Variants in PKP1 observed in about 807,000 individuals in gnomAD.
PKP1 encodes the protein plakophilin 1.
Under a neutral mutation model 76.4 loss-of-function variants are expected in PKP1, and 27 were observed. The observed-to-expected ratio is 0.35, with a 90% CI of 0.26 to 0.49. The LOEUF is 0.49. Among genes scored for constraint, PKP1 ranks in the 20% least tolerant of loss-of-function variants. The pLI is 0.99. For synonymous variants in PKP1, 404 were observed against 384.2 expected, an observed-to-expected ratio of 1.05 and a Z score of -0.60; for missense variants, 964 against 955.2, an observed-to-expected ratio of 1.01 and a Z score of -0.12.
At chr1:201,296,139 T>C (rs751235214) in intron 2 of PKP1, among the ~76,000 whole-genome samples, 2 of 152,140 alleles carry the variant, frequency 1.3e-5, no homozygotes, top group Non-Finnish European at 2.9e-5. Flanking sequence ...CCCATCTCCT[T>C]TCAGTTCAGG....
intron 6 of PKP1, 54 bp downstream of exon 6, chr1:201,318,849 A>G: frequency 6.9e-7 from 1 of 1,442,242 alleles, no homozygotes. Context: ...GCCCTTCCCC[A>G]GGCAGCCCCA....
rs1247733986 is a variant in PKP1, at chr1:201,320,335, T to C, written c.1301T>C (p.Met434Thr). Residue 434 changes from methionine (M) to threonine (T), a missense_variant, in exon 7 of 14, where the codon ATG becomes ACG. Transcript: ENST00000367324. ...RNYSGLIDSL[M>T]AYVQNCVAAS... is the part of the protein sequence containing the mutation. ...TACTCAGGGCTCATTGATTCCCTCA[T>C]GGCCTATGTCCAGAACTGTGTAGCG... is the stretch of plus-strand genomic sequence containing the variant. 23 of 1,614,048 alleles carry C rather than the reference T, an allele frequency of 1.4e-5. No individual in the cohort carries two copies. The highest frequency in any genetic ancestry group is 1.8e-5 in the Non-Finnish European group (21 of 1,179,998).
intron 1 of PKP1, among the ~76,000 whole-genome samples, chr1:201,285,696 A>G (rs1198201245): frequency 6.6e-6 from 1 of 152,076 alleles, no homozygotes; most frequent in African/African-American, 2.4e-5. Flanking sequence ...GAAAACTCAA[A>G]CCGGCCCTGG....
chr1:201,326,484 C>G (rs1324757776), intron 12 of PKP1, among the ~76,000 whole-genome samples: 1 of 152,202 alleles, frequency 6.6e-6, no homozygotes, highest in Non-Finnish European at 1.5e-5. Context: ...CTTTCCCATT[C>G]CTCAGTGATA....
chr1:201,320,521 G>T, intron 7 of PKP1, 140 bp downstream of exon 7: 1 of 702,024 alleles, frequency 1.4e-6, no homozygotes, highest in Non-Finnish European at 2.6e-6. Context: ...GCAGGGCTCA[G>T]TGGTGGCTAC....
chr1:201,303,355 T>C (rs983272050), intron 2 of PKP1, among the ~76,000 whole-genome samples: 9 of 152,090 alleles, frequency 5.9e-5, no homozygotes, highest in African/African-American at 1.2e-4. Flanking sequence ...CTTGAACTCC[T>C]GGGTTCAAGC....
In PKP1 at chr1:201,314,083, G is replaced by A. The variant is rs151112411; in HGVS notation, c.701+523G>A. Among the ~76,000 whole-genome samples the A allele has an allele frequency of 2.3e-4, 35 of 152,304 alleles. No homozygotes were observed. The East Asian group carries it at 5.6e-3, about 24-fold the overall frequency. ...AGGAATATGCCCCGGTATGGACGAC[G>A]GGAATAGAATGGGTTTCAGGTTACG... On this transcript the variant is annotated intron_variant, in intron 3 of 13. Coordinates refer to ENST00000367324, the MANE Select transcript of PKP1 (RefSeq NM_001005337.3).
rs1378201717 is a variant in PKP1, at chr1:201,312,579, C to G, written c.307-587C>G. On this transcript the variant is annotated intron_variant, in intron 2 of 13. Coordinates refer to ENST00000367324, the MANE Select transcript of PKP1 (RefSeq NM_001005337.3). Reference sequence around the variant, plus strand: ...AGGATTGTTCTGCCTCAGGTGCCGACAGCACCCACGTAAAGAAACACTGCA... The same window carrying G: ...AGGATTGTTCTGCCTCAGGTGCCGAGAGCACCCACGTAAAGAAACACTGCA... 2.0e-5 allele frequency among the ~76,000 whole-genome samples: 3 copies of G among 152,224 alleles called. No homozygotes were observed. In the East Asian group the frequency reaches 5.8e-4, roughly 29 times the overall value.
At chr1:201,329,544 G>A (rs1657254880) in intron 13 of PKP1, among the ~76,000 whole-genome samples, 1 of 152,182 alleles carries the variant, frequency 6.6e-6, no homozygotes, top group African/African-American at 2.4e-5. Flanking sequence ...AGATACTCCA[G>A]CCAGATGTCA....
chr1:201,290,080 C>T (rs565782681), intron 1 of PKP1, among the ~76,000 whole-genome samples: 2 of 152,190 alleles, frequency 1.3e-5, no homozygotes, highest in Non-Finnish European at 2.9e-5. Context: ...TGAGTTGCAC[C>T]GATGACACAA....
At chr1:201,312,797 G>T (rs773747508) in intron 2 of PKP1, among the ~76,000 whole-genome samples, 1 of 152,102 alleles carries the variant, frequency 6.6e-6, no homozygotes, top group Non-Finnish European at 1.5e-5. Context: ...TATGACACCT[G>T]GTAGCTCCTT....
At chr1:201,318,321 T>C (rs187262204) in intron 5 of PKP1, among the ~76,000 whole-genome samples, 29 of 152,322 alleles carry the variant, frequency 1.9e-4, no homozygotes, top group African/African-American at 6.7e-4. Flanking sequence ...AGTGCTAAAA[T>C]TTATACTAAA....
intron 2 of PKP1, among the ~76,000 whole-genome samples, chr1:201,303,919 C>A (rs1327372225): frequency 6.6e-6 from 1 of 152,152 alleles, no homozygotes; most frequent in East Asian, 1.9e-4. Flanking sequence ...TGAAGTAGAG[C>A]CCTCTCCCCT....
intron 1 of PKP1, 83 bp from the exon 2 acceptor site, chr1:201,293,859 G>A: frequency 1.1e-6 from 1 of 887,620 alleles, no homozygotes; most frequent in South Asian, 1.4e-5. Flanking sequence ...TAGTGGACCT[G>A]GATGCAGAAG....
intron 8 of PKP1, among the ~76,000 whole-genome samples, chr1:201,322,718 G>A (rs560352621): frequency 2.6e-5 from 4 of 152,266 alleles, no homozygotes; most frequent in African/African-American, 9.6e-5. Flanking sequence ...TGGAAGGTTT[G>A]GGCCAAGGCT....
chr1:201,288,017 C>T (rs1183200400), intron 1 of PKP1, among the ~76,000 whole-genome samples: 3 of 152,050 alleles, frequency 2.0e-5, no homozygotes, highest in Admixed American at 1.3e-4. Context: ...ATCCACACAC[C>T]CACACATGCA....
intron 3 of PKP1, among the ~76,000 whole-genome samples, chr1:201,315,959 G>T (rs1656707146): frequency 6.6e-6 from 1 of 152,138 alleles, no homozygotes; most frequent in Admixed American, 6.5e-5. Context: ...TCAGGAAATT[G>T]GTGGCTATAA....
rs79547608 is a variant in PKP1 at position 201,321,873 on chromosome 1, T to C, written c.1348-105T>C. ...TGGTGCCTGCGCTCATCTTTCCCGA[T>C]GCAGCCCAGGTGCCTCTGCTCTCTT... On this transcript the variant is annotated intron_variant, in intron 7 of 13. Coordinates refer to ENST00000367324, the MANE Select transcript of PKP1 (RefSeq NM_001005337.3). The C allele has an allele frequency of 1.3e-3, 1,724 of 1,331,522 alleles. 37 individuals carry two copies. In the East Asian group the frequency reaches 0.037, roughly 28 times the overall value. 82.5% of individuals were successfully genotyped at this position (1,331,522 alleles called of 1,614,324 possible). A position where few individuals can be genotyped will look rare whatever the true frequency, so the allele number is the denominator to read the frequency against.
At chr1:201,317,055 C>T (rs1365330546) in intron 4 of PKP1, among the ~76,000 whole-genome samples, 1 of 152,198 alleles carries the variant, frequency 6.6e-6, no homozygotes. Context: ...TCCCACTCCC[C>T]TTCTCTCTCC....
Sources: gnomAD v4.1 joint callset for allele counts (sites outside exome capture counted in the v4.1 genomes callset) on GRCh38, gnomAD v4.1.1 for gene constraint, MANE v1.5 for transcripts, NCBI Gene and HGNC (gene_info 2026-07-23, HGNC 2026-07-21) for gene names.